The following TRIM21 variants were observed in gnomAD, a reference collection of about 807,000 sequenced individuals.
TRIM21 encodes the protein E3 ubiquitin-protein ligase TRIM21.
TRIM21 carries 35 observed loss-of-function variants against 36.1 expected under a neutral mutation model. That is an observed-to-expected ratio of 0.97 (90% confidence interval 0.74 to 1.28). The LOEUF (loss-of-function observed/expected upper bound fraction) is 1.28. Ranked by LOEUF, TRIM21 falls within the 50% of genes most tolerant of loss-of-function variation. TRIM21 has a pLI of 0.00. For synonymous variants in TRIM21, 256 were observed against 211.5 expected (o/e 1.21, Z -1.83); for missense variants, 635 against 570.7 (o/e 1.11, Z -1.15).
chr11:4,390,461 G>A lies in TRIM21; in HGVS notation c.-49-3C>T. 7 of 1,520,850 alleles carry A rather than the reference G, an allele frequency of 4.6e-6. No individual in the cohort carries two copies. Among genetic ancestry groups the A allele is most frequent in the Admixed American group, 2.1e-5 (1 of 47,026 alleles). The allele number at this position is 1,520,850 out of a possible 1,614,324, so 94.2% of individuals were successfully genotyped here. On this transcript the variant is annotated splice_polypyrimidine_tract_variant and splice_region_variant and intron_variant, in intron 1 of 6. Transcript: ENST00000254436. ...GTGGAGACCTTTAGGGGGTTTGGCT[G>A]GGAGAGAAGAAGAAAGGGAAAAGAG...
In TRIM21 at chr11:4,390,416, G is replaced by A. The variant is rs200080628; in HGVS notation, c.-7C>T. ...AGCGTGCTGCTGAAGCCATTGTCAA[G>A]TGTGCCGTTAAACAGCAGTGTGGAG... On this transcript the variant is annotated 5_prime_UTR_variant, in exon 2 of 7. Coordinates refer to ENST00000254436, the MANE Select transcript of TRIM21 (RefSeq NM_003141.4). The A allele has an allele frequency of 2.3e-4, 364 of 1,599,198 alleles. No individual in the cohort carries two copies. The highest frequency in any genetic ancestry group is 3.3e-4 in the Middle Eastern group (2 of 6,008).
rs2094955098 is a variant in TRIM21 at position 4,385,421 on chromosome 11, T to C, written c.1292A>G (p.Tyr431Cys). 3 of 1,613,204 alleles carry C rather than the reference T, an allele frequency of 1.9e-6. No individual in the cohort carries two copies. Among genetic ancestry groups the C allele is most frequent in the Non-Finnish European group, 2.5e-6 (3 of 1,179,680 alleles). The part of the protein sequence containing the change: ...YNITDHGSLI[Y>C]SFSECAFTGP... ...TGTAAAGGCACATTCAGAGAAGGAGTAGATGAGGGAGCCATGGTCAGTGAT... is the reference window on the plus strand; with the variant it reads ...TGTAAAGGCACATTCAGAGAAGGAGCAGATGAGGGAGCCATGGTCAGTGAT... The change falls in exon 7 of 7, where the codon TAC (tyrosine) becomes TGC (cysteine). Residue 431 changes from tyrosine to cysteine, a missense_variant. Transcript: ENST00000254436.
At position 4,389,600 on chromosome 11, in the gene TRIM21, CTG is replaced by C. The variant is rs1301541972; in HGVS notation, c.504+52_504+53del. On this transcript the variant is annotated intron_variant, in intron 3 of 6. Transcript: ENST00000254436. ...CGGTTAAGGCTGTGAGTTGAGGACTCTGGACCCTGCCCAGCCTTCCAGCCTAA... is the reference window on the plus strand; with the variant it reads ...CGGTTAAGGCTGTGAGTTGAGGACTCGACCCTGCCCAGCCTTCCAGCCTAA... The C allele has an allele frequency of 4.7e-6, 7 of 1,502,108 alleles. No individual in the cohort carries two copies. In the Admixed American group the frequency reaches 1.2e-4, roughly 25 times the overall value. The allele number at this position is 1,502,108 out of a possible 1,614,324, so 93.0% of individuals were successfully genotyped here. A position where few individuals can be genotyped will look rare whatever the true frequency, so the allele number is the denominator to read the frequency against.
intron 5 of TRIM21, 57 bp from the exon 6 acceptor site, chr11:4,386,314 C>T (rs2133050557): frequency 1.4e-6 from 2 of 1,379,584 alleles, no homozygotes; most frequent in East Asian, 2.3e-5. Flanking sequence ...AACCCTAACA[C>T]TATAACCTCC....
At chr11:4,387,831 CATAAATAA>C (rs10553949) in intron 4 of TRIM21, among the ~76,000 whole-genome samples, 69 of 150,868 alleles carry the variant, frequency 4.6e-4, no homozygotes, top group African/African-American at 7.3e-4. Context: ...AACTCTGTCT[CATAAATAA>C]ATAAATAAAT....
chr11:4,390,608 C>T (rs965581031), intron 1 of TRIM21, 150 bp from the exon 2 acceptor site: 6 of 598,066 alleles, frequency 1.0e-5, no homozygotes, highest in African/African-American at 7.4e-5. Flanking sequence ...TCACAAAAGA[C>T]TCAGAATAGC....
At chr11:4,393,017 TAC>T (rs1169355726) in intron 1 of TRIM21, among the ~76,000 whole-genome samples, 2 of 152,220 alleles carry the variant, frequency 1.3e-5, no homozygotes, top group Non-Finnish European at 2.9e-5. Context: ...TATGTATGTA[TAC>T]ACACAGAGTA....
Position 4,385,337 on chromosome 11 carries a change from G to T in TRIM21, c.1376C>A (p.Pro459His). The change falls in exon 7 of 7, where the codon CCT becomes CAT. Residue 459 changes from proline to histidine, a missense_variant. Transcript: ENST00000254436. Reference protein sequence around the residue: ...GFNDGGKNTAPLTLCPLNIGS... With the variant: ...GFNDGGKNTAHLTLCPLNIGS... ...AATATTCAGTGGACAGAGGGTTAGA[G>T]GGGCTGTGTTTTTTCCTCCATCATT... 1 of 1,613,622 alleles carries T rather than the reference G, an allele frequency of 6.2e-7. No homozygotes were observed. The highest frequency in any genetic ancestry group is 1.7e-5 in the Admixed American group (1 of 60,030).
intron 4 of TRIM21, 130 bp from the exon 5 acceptor site, chr11:4,387,120 CCA>C (rs1404034199): frequency 1.1e-5 from 10 of 906,780 alleles, no homozygotes; most frequent in Non-Finnish European, 1.7e-5. Context: ...GTCCTAGGCC[CCA>C]GAGATGATTC....
rs565752756 is a variant in TRIM21, at chr11:4,385,745, T to C, written c.968A>G (p.Glu323Gly). The C allele has an allele frequency of 3.7e-6, 6 of 1,613,296 alleles. No homozygotes were observed. The highest frequency in any genetic ancestry group is 5.1e-6 in the Non-Finnish European group (6 of 1,179,724). ...GACCATAGGATAACTATCAAATCTC[T>C]CTTCATTTCCAGGTATGCTCTGCTG... ...DTQQSIPGNEERFDSYPMVLG... is the reference protein window; with the variant it reads ...DTQQSIPGNEGRFDSYPMVLG... The change falls in exon 7 of 7, where the codon GAG (glutamate) becomes GGG (glycine). Residue 323 changes from glutamate to glycine, a missense_variant. Coordinates refer to ENST00000254436, the MANE Select transcript of TRIM21 (RefSeq NM_003141.4).
In TRIM21 at chr11:4,390,022, C is replaced by A; in HGVS notation, c.388G>T (p.Glu130Ter). ...HRDHAMVPLE[E>*]AAQEYQEKLQ... The stretch of plus-strand genomic sequence containing the variant: ...CTCACCTGGTACTCCTGTGCAGCCT[C>A]CTCAAGAGGGACCATGGCGTGGTCA... The change falls in exon 2 of 7, where the codon GAG becomes TAG. Residue 130 changes from glutamate (E) to a stop codon, truncating the protein, a stop_gained. Coordinates refer to ENST00000254436, the MANE Select transcript of TRIM21 (RefSeq NM_003141.4). LOFTEE classifies it high-confidence loss of function. The A allele has an allele frequency of 6.2e-7, 1 of 1,613,962 alleles. No individual in the cohort carries two copies. Among genetic ancestry groups the A allele is most frequent in the South Asian group, 1.1e-5 (1 of 91,068 alleles).
At position 4,385,282 on chromosome 11, in the gene TRIM21, C is replaced by A. The variant is rs2094954764; in HGVS notation, c.*3G>T. On this transcript the variant is annotated 3_prime_UTR_variant, in exon 7 of 7. Transcript: ENST00000254436. The stretch of plus-strand genomic sequence containing the variant: ...GGAGAGTGGCAGTGTCCAGAGAAAG[C>A]CATCAATAGTCAGTGGATCCTTGTG... The A allele has an allele frequency of 1.9e-6, 3 of 1,606,992 alleles. No individual in the cohort carries two copies. The highest frequency in any genetic ancestry group is 4.5e-5 in the East Asian group (2 of 44,824).
At position 4,386,469 on chromosome 11, in the gene TRIM21, T is replaced by C. The variant is rs1173846844; in HGVS notation, c.759-212A>G. ...CCTGGTTATAGGAGGCTCTGCAGCA[T>C]GTGGACAGTCTGTCTCTCCTGTCTA... is the stretch of plus-strand genomic sequence containing the variant. On this transcript the variant is annotated intron_variant, in intron 5 of 6. Coordinates refer to ENST00000254436, the MANE Select transcript of TRIM21 (RefSeq NM_003141.4). 2.7e-5 allele frequency: 17 copies of C among 618,582 alleles called. No individual in the cohort carries two copies. In the Admixed American group the frequency reaches 4.1e-4, roughly 15 times the overall value. 38.3% of individuals were successfully genotyped at this position (618,582 alleles called of 1,614,324 possible).
Position 4,389,755 on chromosome 11 carries a change from G to C in TRIM21, c.409-6C>G, listed in dbSNP as rs2094960497. 6.2e-7 allele frequency: 1 copy of C among 1,613,394 alleles called. No homozygotes were observed. Among genetic ancestry groups the C allele is most frequent in the Non-Finnish European group, 8.5e-7 (1 of 1,179,498 alleles). On this transcript the variant is annotated splice_polypyrimidine_tract_variant and splice_region_variant and intron_variant, in intron 2 of 6. Transcript: ENST00000254436. The stretch of plus-strand genomic sequence containing the variant: ...AATGCCACCTGGAGCTTCTCCTGCA[G>C]AGAAAGACAGCTTATTCGTCCCCCA...
intron 5 of TRIM21, 82 bp downstream of exon 5, chr11:4,386,886 G>A (rs1352904292): frequency 7.0e-6 from 10 of 1,426,446 alleles, no homozygotes; most frequent in East Asian, 2.5e-5. Context: ...TTCAGTGCAT[G>A]TACTTCTAAT....
Position 4,385,392 on chromosome 11 carries a change from G to A in TRIM21, c.1321C>T (p.Pro441Ser). 6.2e-7 allele frequency: 1 copy of A among 1,613,858 alleles called. No individual in the cohort carries two copies. Among genetic ancestry groups the A allele is most frequent in the Non-Finnish European group, 8.5e-7 (1 of 1,179,864 alleles). Residue 441 changes from proline (P) to serine (S), a missense_variant, in exon 7 of 7, where the codon CCT becomes TCT. Pro to Ser is a moderately conservative substitution (Grantham distance 74). Transcript: ENST00000254436. ...CCAGGACTGAAGAAGGGCCGCAGAG[G>A]TCCTGTAAAGGCACATTCAGAGAAG... Reference protein sequence around the residue: ...YSFSECAFTGPLRPFFSPGFN... With the variant: ...YSFSECAFTGSLRPFFSPGFN...
At position 4,388,285 on chromosome 11, in the gene TRIM21, C is replaced by T. The variant is rs2094958732; in HGVS notation, c.735+15G>A. On this transcript the variant is annotated intron_variant, in intron 4 of 6. Transcript: ENST00000254436. ...TATTCCCTGAATTGTAGAAGGAAAC[C>T]CCTCCCTGTCTCACCTGCAGCAGTT... The T allele has an allele frequency of 6.3e-7, 1 of 1,595,222 alleles. No homozygotes were observed. Among genetic ancestry groups the T allele is most frequent in the African/African-American group, 1.3e-5 (1 of 74,316 alleles).
chr11:4,390,629 C>T (rs911823583), intron 1 of TRIM21, among the ~76,000 whole-genome samples, 171 bp from the exon 2 acceptor site: 9 of 152,076 alleles, frequency 5.9e-5, no homozygotes, highest in Non-Finnish European at 2.9e-5. Context: ...CAAAGCTATC[C>T]TGAGCAAAAA....
At position 4,390,542 on chromosome 11, in the gene TRIM21, T is replaced by C. The variant is rs115701320; in HGVS notation, c.-49-84A>G. ...AAAGTCAACATAATCCCTATCAAAA[T>C]ACCAATGACATTCTTCACAAAAATA... On this transcript the variant is annotated intron_variant, in intron 1 of 6. Transcript: ENST00000254436. 2,993 of 814,102 alleles carry C rather than the reference T, an allele frequency of 3.7e-3. 62 individuals are homozygous for C. The African/African-American group carries it at 0.044, about 12-fold the overall frequency. 50.4% of individuals were successfully genotyped at this position (814,102 alleles called of 1,614,324 possible).
Sources: gnomAD v4.1 joint callset for allele counts (sites outside exome capture counted in the v4.1 genomes callset) on GRCh38, gnomAD v4.1.1 for gene constraint, MANE v1.5 for transcripts, NCBI Gene and HGNC (gene_info 2026-07-23, HGNC 2026-07-21) for gene names.